The following RYR2 variants were observed in gnomAD, a reference collection of about 807,000 sequenced individuals.
RYR2 encodes cardiac muscle ryanodine receptor-calcium release channel.
A neutral mutation model predicts 601.1 loss-of-function variants in RYR2; 227 were observed. The observed-to-expected ratio is 0.38, with a 90% CI of 0.34 to 0.42. The LOEUF (loss-of-function observed/expected upper bound fraction) is 0.42, where lower values mean the gene tolerates loss of function less well. Among genes scored for constraint, RYR2 ranks in the 10% least tolerant of loss-of-function variants. RYR2 has a pLI of 1.00. For missense variants in RYR2, 4,646 were observed against 6,156.5 expected, an observed-to-expected ratio of 0.75 and a Z score of 8.21; for synonymous variants, 2,223 against 2,175.1, an observed-to-expected ratio of 1.02 and a Z score of -0.61.
intron 1 of RYR2, among the ~76,000 whole-genome samples, chr1:237,264,295 C>CCGGT (rs1362005876): frequency 1.3e-5 from 2 of 152,134 alleles, no homozygotes; most frequent in Non-Finnish European, 2.9e-5. Context: ...CTGGGATTAG[C>CCGGT]CGGTGTACAG....
At position 237,454,478 on chromosome 1, in the gene RYR2, T is replaced by C; in HGVS notation, c.1380T>C (p.Ile460=). The change falls in exon 15 of 105, where the codon ATT becomes ATC. Residue 460 remains isoleucine (I), a synonymous_variant. Coordinates refer to ENST00000366574, the MANE Select transcript of RYR2 (RefSeq NM_001035.3). ...TAAGCCTAAGTCTGCAGGATCTCAT[T>C]GGCTACTTCCACCCCCCAGATGAGC... ...ESVSLSLQDL[I]GYFHPPDEHL... is the part of the protein sequence containing the mutation. 1 of 1,613,630 alleles carries C rather than the reference T, an allele frequency of 6.2e-7. No homozygotes were observed. Among genetic ancestry groups the C allele is most frequent in the Non-Finnish European group, 8.5e-7 (1 of 1,179,680 alleles).
chr1:237,680,695 C>T (rs999551941), intron 62 of RYR2, 118 bp downstream of exon 62: 8 of 642,838 alleles, frequency 1.2e-5, no homozygotes, highest in Admixed American at 1.0e-4. Context: ...TTCCCTGGTC[C>T]GTGTCTTCAT....
At chr1:237,330,512 T>C (rs944716863) in intron 2 of RYR2, among the ~76,000 whole-genome samples, 3 of 152,156 alleles carry the variant, frequency 2.0e-5, no homozygotes, top group African/African-American at 7.2e-5. Context: ...CTCAGCCTCC[T>C]GAGTAGCTGG....
At chr1:237,111,542 C>T (rs1458535718) in intron 1 of RYR2, among the ~76,000 whole-genome samples, 1 of 142,506 alleles carries the variant, frequency 7.0e-6, no homozygotes, top group Non-Finnish European at 1.5e-5. Flanking sequence ...GAGCTGAGGT[C>T]GTGCCGCTGC....
At chr1:237,606,804 C>T (rs1371728297) in intron 35 of RYR2, among the ~76,000 whole-genome samples, 1 of 152,188 alleles carries the variant, frequency 6.6e-6, no homozygotes, top group African/African-American at 2.4e-5. Context: ...GTCATTTATG[C>T]AGCCAACAGA....
chr1:237,514,621 A>G (rs1275435769), intron 24 of RYR2, among the ~76,000 whole-genome samples: 1 of 152,250 alleles, frequency 6.6e-6, no homozygotes, highest in African/African-American at 2.4e-5. Flanking sequence ...TTCTTCCTAT[A>G]TTTCCTTTAT....
chr1:237,709,452 A>C, intron 69 of RYR2, 28 bp from the exon 70 acceptor site: 2 of 1,462,640 alleles, frequency 1.4e-6, no homozygotes, highest in Non-Finnish European at 1.9e-6. Context: ...AGTAGCTGAG[A>C]AACCACTTTA....
intron 1 of RYR2, among the ~76,000 whole-genome samples, chr1:237,151,642 G>T (rs998977337): frequency 6.6e-6 from 1 of 152,138 alleles, no homozygotes; most frequent in African/African-American, 2.4e-5. Flanking sequence ...AAGGTATACG[G>T]TATTTAGCCA....
chr1:237,534,515 A>G (rs1668418704), intron 25 of RYR2, among the ~76,000 whole-genome samples: 1 of 152,082 alleles, frequency 6.6e-6, no homozygotes, highest in Admixed American at 6.5e-5. Flanking sequence ...AAAATTTAGT[A>G]TCCTTTAGGA....
intron 25 of RYR2, among the ~76,000 whole-genome samples, chr1:237,541,764 G>C (rs939576799): frequency 6.6e-6 from 1 of 152,122 alleles, no homozygotes; most frequent in Non-Finnish European, 1.5e-5. Flanking sequence ...TCTCTGGTGG[G>C]CAGGAGTGGG....
At chr1:237,362,050 G>A (rs1699825224) in intron 4 of RYR2, among the ~76,000 whole-genome samples, 2 of 152,166 alleles carry the variant, frequency 1.3e-5, no homozygotes, top group Admixed American at 6.5e-5. Flanking sequence ...TGTAGCAATA[G>A]CAATTTCTCT....
chr1:237,611,127 C>A lies in RYR2; in HGVS notation c.4910+139C>A, dbSNP rs1573106549. On this transcript the variant is annotated intron_variant, in intron 36 of 104. Transcript: ENST00000366574. ...TTTACAAAGATCTAAATTCTTTAGGCAATGGAGTCATTATTCTGCGTATTC... is the reference window on the plus strand; with the variant it reads ...TTTACAAAGATCTAAATTCTTTAGGAAATGGAGTCATTATTCTGCGTATTC... 4.5e-6 allele frequency: 3 copies of A among 660,394 alleles called. No individual in the cohort carries two copies. In the East Asian group the frequency reaches 8.2e-5, roughly 18 times the overall value. 40.9% of individuals were successfully genotyped at this position (660,394 alleles called of 1,614,324 possible).
At chr1:237,130,390 G>C (rs1182448327) in intron 1 of RYR2, among the ~76,000 whole-genome samples, 4 of 152,154 alleles carry the variant, frequency 2.6e-5, no homozygotes, top group African/African-American at 7.2e-5. Flanking sequence ...CAATAGCCTG[G>C]CTATTACAGG....
At chr1:237,550,336 G>A (rs977698499) in intron 26 of RYR2, among the ~76,000 whole-genome samples, 1 of 152,154 alleles carries the variant, frequency 6.6e-6, no homozygotes, top group African/African-American at 2.4e-5. Flanking sequence ...CTCATGGAGA[G>A]GGTCTGCTTT....
At chr1:237,053,456 C>G (rs1460752129) in intron 1 of RYR2, among the ~76,000 whole-genome samples, 1 of 152,170 alleles carries the variant, frequency 6.6e-6, no homozygotes, top group Non-Finnish European at 1.5e-5. Flanking sequence ...TCTAAATGTC[C>G]TGCTCCCGTC....
intron 42 of RYR2, among the ~76,000 whole-genome samples, chr1:237,632,322 C>A (rs1002525102): frequency 6.6e-5 from 10 of 152,002 alleles, no homozygotes; most frequent in African/African-American, 2.4e-4. Context: ...CACTTAATTT[C>A]CAATCCAGAT....
At chr1:237,225,868 A>G (rs1296773117) in intron 1 of RYR2, among the ~76,000 whole-genome samples, 1 of 151,892 alleles carries the variant, frequency 6.6e-6, no homozygotes, top group East Asian at 1.9e-4. Flanking sequence ...CAGCCTGGCC[A>G]ATATGGTGAA....
chr1:237,187,053 CA>C (rs1357703974), intron 1 of RYR2, among the ~76,000 whole-genome samples: 3 of 152,116 alleles, frequency 2.0e-5, no homozygotes, highest in Non-Finnish European at 4.4e-5. Flanking sequence ...CTCTGAAAGT[CA>C]AAGATAGAGG....
chr1:237,687,549 T>A, intron 63 of RYR2, 45 bp downstream of exon 63: 2 of 1,478,900 alleles, frequency 1.4e-6, no homozygotes, highest in Non-Finnish European at 1.9e-6. Context: ...ATCACTTGGT[T>A]TTCTTTGCCA....
Sources: allele counts gnomAD v4.1 joint callset (sites outside exome capture counted in the v4.1 genomes callset), GRCh38; gene constraint gnomAD v4.1.1; transcripts MANE v1.5; gene names NCBI Gene and HGNC (gene_info 2026-07-23, HGNC 2026-07-21).